Variants in MAD1L1 observed in about 807,000 individuals in gnomAD.
MAD1L1 encodes mitotic arrest deficient 1 like 1, also known as mitotic spindle assembly checkpoint protein MAD1.
MAD1L1 carries 95 observed loss-of-function variants against 96.9 expected under a neutral mutation model. The ratio of observed to expected loss-of-function variants is 0.98; its 90% confidence interval spans 0.83 to 1.16. The LOEUF is 1.16. MAD1L1 is among the 50% of genes most tolerant of loss of function. The probability of loss-of-function intolerance (pLI) is 0.00; values close to 1 mark genes in which losing one functional copy is unlikely to be tolerated. For synonymous variants in MAD1L1, 473 were observed against 396.6 expected, an observed-to-expected ratio of 1.19 and a Z score of -2.29; for missense variants, 1,007 against 954.4, an observed-to-expected ratio of 1.06 and a Z score of -0.73.
At chr7:1,945,463 G>A (rs886682457) in intron 16 of MAD1L1, among the ~76,000 whole-genome samples, 1 of 152,236 alleles carries the variant, frequency 6.6e-6, no homozygotes, top group Non-Finnish European at 1.5e-5. Context: ...TAGGTCCCAC[G>A]AAAGGGCTTG....
chr7:1,955,506 G>A (rs1239770418), intron 16 of MAD1L1, among the ~76,000 whole-genome samples: 1 of 152,156 alleles, frequency 6.6e-6, no homozygotes. Flanking sequence ...GGCCAGGCTG[G>A]CCTTGAGCTC....
At chr7:2,045,242 T>A (rs1435161428) in intron 12 of MAD1L1, among the ~76,000 whole-genome samples, 2 of 152,138 alleles carry the variant, frequency 1.3e-5, no homozygotes, top group East Asian at 3.8e-4. Flanking sequence ...GTCCCCTGTA[T>A]CCCTGTGAGA....
Position 1,936,875 on chromosome 7 carries a change from G to C in MAD1L1, c.1619C>G (p.Thr540Ser). 2 of 1,602,290 alleles carry C rather than the reference G, an allele frequency of 1.2e-6. No individual in the cohort carries two copies. Among genetic ancestry groups the C allele is most frequent in the South Asian group, 2.2e-5 (2 of 89,040 alleles). ...GTTCAGGCTCATGTGCAGCACTTTG[G>C]TCCTGCTCTGGTCATAGTCACCCTG... ...ALQGDYDQSRTKVLHMSLNPT... is the reference protein window; with the variant it reads ...ALQGDYDQSRSKVLHMSLNPT... The change falls in exon 17 of 19, where the codon ACC becomes AGC. Residue 540 changes from threonine (T) to serine (S), a missense_variant. Thr to Ser is a moderately conservative substitution (Grantham distance 58, BLOSUM62 1). Transcript: ENST00000265854.
chr7:1,914,199 G>A lies in MAD1L1; in HGVS notation c.1808-15809C>T, dbSNP rs62442904. On this transcript the variant is annotated intron_variant, in intron 17 of 18. Coordinates refer to ENST00000265854, the MANE Select transcript of MAD1L1 (RefSeq NM_001013836.2). ...CTGGAGGCCTCAGGACCTGGGAGTC[G>A]GAAGGAGGAGATGGCGCTGTGATGG... Among the ~76,000 whole-genome samples the A allele has an allele frequency of 2.4e-3, 372 of 152,348 alleles. 1 individual carries two copies. Among genetic ancestry groups the A allele is most frequent in the Middle Eastern group, 3.4e-3 (1 of 294 alleles).
At chr7:1,848,548 G>C (rs1032097921) in intron 18 of MAD1L1, 12 of 152,530 alleles carry the variant, frequency 7.9e-5, no homozygotes, top group Non-Finnish European at 1.6e-4. Context: ...TGGGATTCAA[G>C]ACCCTACCAG....
chr7:1,989,795 G>A (rs1165699425), intron 14 of MAD1L1, among the ~76,000 whole-genome samples: 2 of 152,212 alleles, frequency 1.3e-5, no homozygotes, highest in Non-Finnish European at 2.9e-5. Flanking sequence ...GTGTAGGCCG[G>A]CTGGCCCCAT....
chr7:1,985,616 T>C (rs1583998983), intron 14 of MAD1L1, among the ~76,000 whole-genome samples: 1 of 152,254 alleles, frequency 6.6e-6, no homozygotes, highest in East Asian at 1.9e-4. Flanking sequence ...CTCTCCTCCC[T>C]CTGCCATCCT....
At chr7:2,152,516 A>C (rs1167907828) in intron 10 of MAD1L1, among the ~76,000 whole-genome samples, 2 of 152,214 alleles carry the variant, frequency 1.3e-5, no homozygotes, top group Non-Finnish European at 2.9e-5. Context: ...TCAAAAGCAC[A>C]AGCACAGTGA....
At chr7:2,179,701 G>A (rs1354022814) in intron 10 of MAD1L1, among the ~76,000 whole-genome samples, 1 of 152,052 alleles carries the variant, frequency 6.6e-6, no homozygotes, top group African/African-American at 2.4e-5. Context: ...CGAGCATGGT[G>A]GCTCACGCCT....
intron 18 of MAD1L1, among the ~76,000 whole-genome samples, chr7:1,868,527 G>A (rs899995967): frequency 1.4e-5 from 2 of 140,512 alleles, no homozygotes; most frequent in African/African-American, 5.2e-5. Flanking sequence ...AGGCTCAGCA[G>A]GGGGTGGGGA....
At chr7:2,218,752 T>A (rs1793429061) in intron 6 of MAD1L1, among the ~76,000 whole-genome samples, 1 of 151,426 alleles carries the variant, frequency 6.6e-6, no homozygotes, top group Non-Finnish European at 1.5e-5. Context: ...TACAAAACGT[T>A]TTTTAAAATT....
Position 1,957,625 on chromosome 7 carries a change from T to C in MAD1L1, c.1596+4A>G, listed in dbSNP as rs1187430878. 6 of 1,613,610 alleles carry C rather than the reference T, an allele frequency of 3.7e-6. No homozygotes were observed. The highest frequency in any genetic ancestry group is 4.2e-6 in the Non-Finnish European group (5 of 1,179,974). On this transcript the variant is annotated splice_donor_region_variant and intron_variant, in intron 16 of 18. Coordinates refer to ENST00000265854, the MANE Select transcript of MAD1L1 (RefSeq NM_001013836.2). ...GCCTCACCCAGAGGCTGCCCCGCCCTCACCTGCAGAGCTCGCCGCTCCAGC... is the reference window on the plus strand; with the variant it reads ...GCCTCACCCAGAGGCTGCCCCGCCCCCACCTGCAGAGCTCGCCGCTCCAGC...
intron 16 of MAD1L1, among the ~76,000 whole-genome samples, chr7:1,941,679 C>T (rs1214241146): frequency 2.6e-5 from 4 of 152,228 alleles, no homozygotes; most frequent in Non-Finnish European, 4.4e-5. Flanking sequence ...CCAAGGTCGG[C>T]GCAGGTTCCC....
intron 12 of MAD1L1, among the ~76,000 whole-genome samples, chr7:2,031,604 G>A (rs531388682): frequency 5.9e-5 from 9 of 152,326 alleles, no homozygotes; most frequent in East Asian, 1.9e-4. Flanking sequence ...TCACACCTGC[G>A]CTATGACGAC....
At chr7:1,957,081 G>A (rs1027837448) in intron 16 of MAD1L1, among the ~76,000 whole-genome samples, 38 of 152,224 alleles carry the variant, frequency 2.5e-4, no homozygotes, top group Admixed American at 2.6e-4. Flanking sequence ...GTTAAAACAA[G>A]ATGACAGGTC....
rs1222724603 is a variant in MAD1L1, at chr7:1,815,937, G to GTGTC, written c.*129_*132dup. ...CAGGAAGCCCGACGTAGGTCCCAGC[G>GTGTC]TGTCTGTCAGTCATGCTGCTGCCCT... On this transcript the variant is annotated 3_prime_UTR_variant, in exon 19 of 19. Coordinates refer to ENST00000265854, the MANE Select transcript of MAD1L1 (RefSeq NM_001013836.2). 1.7e-5 allele frequency: 18 copies of GTGTC among 1,078,322 alleles called. No homozygotes were observed. Among genetic ancestry groups the GTGTC allele is most frequent in the Non-Finnish European group, 2.2e-5 (17 of 771,238 alleles). 66.8% of individuals were successfully genotyped at this position (1,078,322 alleles called of 1,614,324 possible).
intron 18 of MAD1L1, among the ~76,000 whole-genome samples, chr7:1,896,591 C>T (rs115616977): frequency 0.017 from 2,517 of 152,330 alleles, 65 homozygotes; most frequent in African/African-American, 0.058. Flanking sequence ...CATGTGCCTA[C>T]GTATGAAACA....
chr7:1,817,572 G>A (rs1781882493), intron 18 of MAD1L1: 1 of 152,268 alleles, frequency 6.6e-6, no homozygotes, highest in African/African-American at 2.4e-5. Flanking sequence ...GTGCCCAGGG[G>A]ATGTCCTGGA....
At chr7:2,100,328 G>A (rs55636534) in intron 11 of MAD1L1, among the ~76,000 whole-genome samples, 4,150 of 152,300 alleles carry the variant, frequency 0.027, 101 homozygotes, top group South Asian at 0.097. Flanking sequence ...CAGAAAGCAC[G>A]GCCTTTTGAC....
Sources: gnomAD v4.1 joint callset for allele counts (sites outside exome capture counted in the v4.1 genomes callset) on GRCh38, gnomAD v4.1.1 for gene constraint, MANE v1.5 for transcripts, NCBI Gene and HGNC (gene_info 2026-07-23, HGNC 2026-07-21) for gene names.